Variants in L3MBTL3 observed in about 807,000 individuals in gnomAD.
L3MBTL3 encodes L3MBTL histone methyl-lysine binding protein 3, also known as lethal(3)malignant brain tumor-like protein 3.
In L3MBTL3, 27 loss-of-function variants were observed where a neutral mutation model predicts 102.3. The observed-to-expected ratio is 0.26, with a 90% CI of 0.19 to 0.36. L3MBTL3 has a LOEUF of 0.36. L3MBTL3 is among the 10% of genes least tolerant of loss of function. L3MBTL3 has a pLI of 1.00. For synonymous variants in L3MBTL3, 340 were observed against 320.9 expected (o/e 1.06, Z -0.64); for missense variants, 798 against 955.3 (o/e 0.84, Z 2.17).
At chr6:130,023,911 G>A (rs1489474430) in intron 2 of L3MBTL3, among the ~76,000 whole-genome samples, 19 of 152,076 alleles carry the variant, frequency 1.2e-4, no homozygotes, top group Admixed American at 1.2e-3. Context: ...GTATACTATT[G>A]GCTCTTTGAG....
intron 19 of L3MBTL3, among the ~76,000 whole-genome samples, chr6:130,116,957 A>G (rs1176564467): frequency 1.5e-5 from 2 of 132,646 alleles, no homozygotes; most frequent in South Asian, 2.2e-4. Context: ...TTTTTTATTT[A>G]TTTATTTATT....
intron 10 of L3MBTL3, among the ~76,000 whole-genome samples, chr6:130,064,934 C>T (rs941981562): frequency 6.6e-6 from 1 of 152,096 alleles, no homozygotes; most frequent in South Asian, 2.1e-4. Flanking sequence ...CTCTTAGGAT[C>T]GGCCAGATAT....
intron 19 of L3MBTL3, among the ~76,000 whole-genome samples, chr6:130,105,492 C>G (rs73602322): frequency 0.063 from 9,626 of 151,604 alleles, 468 homozygotes; most frequent in Admixed American, 0.14. Context: ...TTACCAAATC[C>G]CAGCATCCAA....
At chr6:130,066,226 T>G in intron 10 of L3MBTL3, 127 bp from the exon 11 acceptor site, 1 of 295,672 alleles carries the variant, frequency 3.4e-6, no homozygotes, top group Non-Finnish European at 6.1e-6. Context: ...TTACTGTTAA[T>G]GTGGGTGGTT....
intron 10 of L3MBTL3, among the ~76,000 whole-genome samples, chr6:130,063,631 A>G (rs965896291): frequency 6.6e-6 from 1 of 152,180 alleles, no homozygotes; most frequent in African/African-American, 2.4e-5. Flanking sequence ...TTTAATGTAT[A>G]TCGTTCATTC....
chr6:130,073,998 T>C (rs551739690), intron 13 of L3MBTL3, among the ~76,000 whole-genome samples: 1 of 152,356 alleles, frequency 6.6e-6, no homozygotes, highest in East Asian at 1.9e-4. Context: ...GTTTAAGTGC[T>C]CTGGAATTTC....
intron 20 of L3MBTL3, among the ~76,000 whole-genome samples, chr6:130,121,883 T>C (rs1786239610): frequency 1.3e-5 from 2 of 152,100 alleles, no homozygotes; most frequent in Non-Finnish European, 1.5e-5. Context: ...CCATCTCTAC[T>C]AAAAATACAA....
At chr6:130,131,365 A>T (rs1358414618) in intron 20 of L3MBTL3, among the ~76,000 whole-genome samples, 1 of 152,208 alleles carries the variant, frequency 6.6e-6, no homozygotes, top group African/African-American at 2.4e-5. Context: ...AGGTGAAGCA[A>T]TTGGAACTGT....
chr6:130,112,235 G>A (rs1334560831), intron 19 of L3MBTL3, among the ~76,000 whole-genome samples: 1 of 152,148 alleles, frequency 6.6e-6, no homozygotes, highest in Non-Finnish European at 1.5e-5. Context: ...AAAGGCAGGG[G>A]CCATGTCTTT....
intron 5 of L3MBTL3, among the ~76,000 whole-genome samples, chr6:130,050,935 C>A (rs1210700018): frequency 6.6e-6 from 1 of 152,142 alleles, no homozygotes; most frequent in Non-Finnish European, 1.5e-5. Flanking sequence ...GAAGAAGTTT[C>A]TATAGATCGA....
Position 130,089,906 on chromosome 6 carries a change from C to T in L3MBTL3, c.1519-2839C>T, listed in dbSNP as rs191983482. Among the ~76,000 whole-genome samples the T allele has an allele frequency of 2.2e-3, 333 of 151,018 alleles. 1 individual carries two copies. Among genetic ancestry groups the T allele is most frequent in the Middle Eastern group, 0.01 (3 of 288 alleles). ...GAATGGGAGAAAAATTTTACATCAA[C>T]ACTCTATCTTTTTCTTTTTTTCTCG... On this transcript the variant is annotated intron_variant, in intron 16 of 22. Transcript: ENST00000361794.
intron 18 of L3MBTL3, among the ~76,000 whole-genome samples, chr6:130,096,603 CGTGGTGACA>C (rs1562307199): frequency 6.6e-6 from 1 of 152,154 alleles, no homozygotes; most frequent in Non-Finnish European, 1.5e-5. Context: ...CAGCAAGGCC[CGTGGTGACA>C]GTTGTGTCCC....
Position 130,095,753 on chromosome 6 carries a change from C to T in L3MBTL3, c.1736+1386C>T, listed in dbSNP as rs1185485708. Among the ~76,000 whole-genome samples, 5 of 152,210 alleles carry T rather than the reference C, an allele frequency of 3.3e-5. No homozygotes were observed. In the South Asian group the frequency reaches 8.3e-4, roughly 25 times the overall value. ...GCATATGGCGAGGGCTTTCTTGCTG[C>T]GGAAGGTAGAGGGCAAGAGAGCATG... On this transcript the variant is annotated intron_variant, in intron 18 of 22. Transcript: ENST00000361794.
chr6:130,136,980 G>T, intron 22 of L3MBTL3, among the ~76,000 whole-genome samples: 1 of 152,112 alleles, frequency 6.6e-6, no homozygotes, highest in Non-Finnish European at 1.5e-5. Flanking sequence ...TTGGCTTATG[G>T]TCTGTCTACC....
At chr6:130,021,021 C>T (rs1410701505) in intron 1 of L3MBTL3, among the ~76,000 whole-genome samples, 2 of 152,012 alleles carry the variant, frequency 1.3e-5, no homozygotes, top group African/African-American at 4.8e-5. Context: ...GCGTCCAGTT[C>T]TCCTTTTGGT....
chr6:130,096,537 G>A (rs1784376750), intron 18 of L3MBTL3, among the ~76,000 whole-genome samples: 1 of 152,196 alleles, frequency 6.6e-6, no homozygotes, highest in African/African-American at 2.4e-5. Context: ...CCTTATGGCA[G>A]TGTCCATGGT....
At chr6:130,116,322 G>T (rs1447066505) in intron 19 of L3MBTL3, among the ~76,000 whole-genome samples, 1 of 152,162 alleles carries the variant, frequency 6.6e-6, no homozygotes, top group African/African-American at 2.4e-5. Context: ...TTTTACCAAT[G>T]ATGTAACTGA....
At chr6:130,055,498 C>T (rs1185982590) in intron 8 of L3MBTL3, among the ~76,000 whole-genome samples, 2 of 143,194 alleles carry the variant, frequency 1.4e-5, no homozygotes, top group Non-Finnish European at 3.1e-5. Flanking sequence ...CTCTCTCCCT[C>T]CCTCTCTCCC....
Position 130,107,158 on chromosome 6 carries a change from T to A in L3MBTL3, c.1886+2583T>A, listed in dbSNP as rs556271540. Among the ~76,000 whole-genome samples, 11 of 152,314 alleles carry A rather than the reference T, an allele frequency of 7.2e-5. No individual in the cohort carries two copies. The East Asian group carries it at 2.1e-3, about 29-fold the overall frequency. ...CCCTAGACACCCTGGAGTCTTTTTC[T>A]TAAGGGTTCAGAGGTGAGTGCTCTG... On this transcript the variant is annotated intron_variant, in intron 19 of 22. Transcript: ENST00000361794.
Sources: allele counts gnomAD v4.1 joint callset (sites outside exome capture counted in the v4.1 genomes callset), GRCh38; gene constraint gnomAD v4.1.1; transcripts MANE v1.5; gene names NCBI Gene and HGNC (gene_info 2026-07-23, HGNC 2026-07-21).